NCKAP1: variants seen among roughly 807,000 people sequenced by gnomAD.
NCKAP1 encodes the protein nck-associated protein 1.
A neutral mutation model predicts 151.2 loss-of-function variants in NCKAP1; 21 were observed. The observed-to-expected ratio is 0.14, with a 90% CI of 0.10 to 0.20. The LOEUF (loss-of-function observed/expected upper bound fraction) is 0.20, where lower values mean the gene tolerates loss of function less well. Ranked by LOEUF, NCKAP1 falls within the 10% of genes least tolerant of loss-of-function variation. NCKAP1 has a pLI of 1.00. For synonymous variants in NCKAP1, 484 were observed against 451.8 expected (o/e 1.07, Z -0.90); for missense variants, 933 against 1,352.1 (o/e 0.69, Z 4.86).
intron 20 of NCKAP1, among the ~76,000 whole-genome samples, chr2:182,956,242 G>A (rs1243076761): frequency 1.3e-5 from 2 of 151,978 alleles, no homozygotes; most frequent in African/African-American, 4.8e-5. Flanking sequence ...GGGTTTCACT[G>A]TGTTAGCCAG....
intron 15 of NCKAP1, among the ~76,000 whole-genome samples, chr2:182,968,747 T>C (rs916542448): frequency 6.6e-6 from 1 of 152,218 alleles, no homozygotes; most frequent in African/African-American, 2.4e-5. Flanking sequence ...ATGAAGTCTT[T>C]TGTCTTTTGT....
At chr2:182,939,171 G>A (rs1280774432) in intron 24 of NCKAP1, among the ~76,000 whole-genome samples, 1 of 152,122 alleles carries the variant, frequency 6.6e-6, no homozygotes. Context: ...GAAACAGAAT[G>A]TCAGAGAATA....
intron 23 of NCKAP1, among the ~76,000 whole-genome samples, chr2:182,949,144 C>T (rs1436917629): frequency 6.6e-6 from 1 of 152,154 alleles, no homozygotes; most frequent in Non-Finnish European, 1.5e-5. Context: ...GATACTAAAT[C>T]AACATAAACT....
chr2:182,955,874 C>T (rs1409303368), intron 20 of NCKAP1, among the ~76,000 whole-genome samples: 1 of 152,106 alleles, frequency 6.6e-6, no homozygotes, highest in African/African-American at 2.4e-5. Context: ...GGGTTGCCAC[C>T]TGCAAGATGA....
chr2:182,972,806 C>T lies in NCKAP1; in HGVS notation c.1482+4087G>A, dbSNP rs78550633. Among the ~76,000 whole-genome samples the T allele has an allele frequency of 4.6e-3, 705 of 152,190 alleles. 11 individuals carry two copies. Among genetic ancestry groups the T allele is most frequent in the South Asian group, 0.03 (146 of 4,824 alleles). ...GTGAAATAAGCCAGGCACAGAAAAACAAATGTCACATGTTCTTACTCCTAA... is the reference window on the plus strand; with the variant it reads ...GTGAAATAAGCCAGGCACAGAAAAATAAATGTCACATGTTCTTACTCCTAA... On this transcript the variant is annotated intron_variant, in intron 15 of 30. Transcript: ENST00000361354.
chr2:182,946,020 G>C (rs71427864), intron 23 of NCKAP1, among the ~76,000 whole-genome samples: 15,601 of 152,166 alleles, frequency 0.1, 1,126 homozygotes, highest in African/African-American at 0.2. Context: ...AACATGGATA[G>C]AGCTGGAGAC....
intron 8 of NCKAP1, among the ~76,000 whole-genome samples, chr2:182,990,373 A>G (rs1698143012): frequency 1.3e-5 from 2 of 152,284 alleles, no homozygotes; most frequent in African/African-American, 4.8e-5. Context: ...TGAAGGGTCA[A>G]TGACTTTACT....
In NCKAP1 at chr2:182,915,879, C is replaced by T. The variant is rs1195100321; in HGVS notation, c.*9823G>A. 3 of 152,080 alleles carry T rather than the reference C, an allele frequency of 2.0e-5. No homozygotes were observed. The highest frequency in any genetic ancestry group is 2.9e-5 in the Non-Finnish European group (2 of 68,008). 9.4% of individuals were successfully genotyped at this position (152,080 alleles called of 1,614,324 possible). A position where few individuals can be genotyped will look rare whatever the true frequency, so the allele number is the denominator to read the frequency against. On this transcript the variant is annotated 3_prime_UTR_variant, in exon 31 of 31. Transcript: ENST00000361354. ...GCTCTTGGCATTTCACTTAAATTTT[C>T]AGATTTAAAAATAATTTTTTTGCTA...
Position 182,975,954 on chromosome 2 carries a change from TA to T in NCKAP1, c.1482+938del, listed in dbSNP as rs565304792. 7.0e-3 allele frequency among the ~76,000 whole-genome samples: 1,060 copies of T among 152,058 alleles called. 4 individuals carry two copies. The highest frequency in any genetic ancestry group is 0.017 in the Middle Eastern group (5 of 294). On this transcript the variant is annotated intron_variant, in intron 15 of 30. Transcript: ENST00000361354. ...ATTTTTTTAAAAAGACAAAAATAAA[TA>T]GCAAAACAGTACATAGTACTATCTA...
rs190222958 is a variant in NCKAP1, at chr2:183,029,681, G to C, written c.109-5765C>G. On this transcript the variant is annotated intron_variant, in intron 1 of 30. Transcript: ENST00000361354. ...CAAAATGTTTAAAAATTAGCCAAAC[G>C]TGGTGGTAAATATCTGTGGTCCCAG... is the stretch of plus-strand genomic sequence containing the variant. Among the ~76,000 whole-genome samples, 19 of 151,982 alleles carry C rather than the reference G, an allele frequency of 1.3e-4. 1 individual carries two copies. Among genetic ancestry groups the C allele is most frequent in the Non-Finnish European group, 2.2e-4 (15 of 67,924 alleles).
rs140830214 is a variant in NCKAP1 at position 183,038,007 on chromosome 2, G to A, written c.93C>T (p.Leu31=). The A allele has an allele frequency of 2.3e-4, 368 of 1,576,752 alleles. 1 individual carries two copies. In the African/African-American group the frequency reaches 4.6e-3, roughly 20 times the overall value. The part of the protein sequence containing the change: ...NDRGVGMLTR[L]YNIKKACGDP... ...CCGTGCGCACCTTCTTGATGTTGTA[G>A]AGGCGGGTGAGCATGCCGACGCCCC... Residue 31 remains leucine (L), a synonymous_variant, in exon 1 of 31, where the codon CTC becomes CTT. Transcript: ENST00000361354.
intron 21 of NCKAP1, 62 bp from the exon 22 acceptor site, chr2:182,952,985 T>C (rs1344592278): frequency 2.6e-6 from 4 of 1,531,192 alleles, no homozygotes; most frequent in Non-Finnish European, 3.5e-6. Context: ...TATCATGATA[T>C]ACATTCCTGC....
chr2:183,009,756 A>G (rs1484020172), intron 2 of NCKAP1, among the ~76,000 whole-genome samples: 1 of 152,152 alleles, frequency 6.6e-6, no homozygotes, highest in Non-Finnish European at 1.5e-5. Flanking sequence ...TTCTCAATCA[A>G]AATACATTTT....
rs1447705053 is a variant in NCKAP1, at chr2:182,913,932, CCCCACAA to C, written c.*11763_*11769del. 1 of 152,226 alleles carries C rather than the reference CCCCACAA, an allele frequency of 6.6e-6. No homozygotes were observed. The highest frequency in any genetic ancestry group is 2.4e-5 in the African/African-American group (1 of 41,432). The allele number at this position is 152,226 out of a possible 1,614,324, so 9.4% of individuals were successfully genotyped here. Reference sequence around the variant, plus strand: ...CCATGAAACTTTCTGCTTAAGTAGCCCCCACAACCCTCAGCCTCTTGGTTCTAACTTA... The same window carrying C: ...CCATGAAACTTTCTGCTTAAGTAGCCCCCTCAGCCTCTTGGTTCTAACTTA... On this transcript the variant is annotated 3_prime_UTR_variant, in exon 31 of 31. Transcript: ENST00000361354.
At chr2:183,001,831 T>C in intron 6 of NCKAP1, 122 bp downstream of exon 6, 1 of 762,032 alleles carries the variant, frequency 1.3e-6, no homozygotes, top group Non-Finnish European at 2.1e-6. Context: ...AAAGCACACA[T>C]AACTATTACT....
chr2:182,936,585 T>C (rs1215222015), intron 24 of NCKAP1, among the ~76,000 whole-genome samples: 1 of 151,994 alleles, frequency 6.6e-6, no homozygotes. Context: ...AGTTGAGGAG[T>C]AGGAATAGAG....
intron 8 of NCKAP1, 118 bp from the exon 9 acceptor site, chr2:182,989,304 G>C (rs1420860227): frequency 7.1e-6 from 5 of 700,760 alleles, no homozygotes; most frequent in Non-Finnish European, 9.4e-6. Flanking sequence ...TGAGGCTTCT[G>C]AGTGACAGTA....
chr2:183,029,839 AAGAG>A (rs1553519052), intron 1 of NCKAP1, among the ~76,000 whole-genome samples: 2 of 151,160 alleles, frequency 1.3e-5, no homozygotes, highest in East Asian at 1.9e-4. Context: ...AAAAAAAAAA[AAGAG>A]AGAGAAGGAA....
chr2:182,928,674 T>C, intron 28 of NCKAP1, 109 bp downstream of exon 28: 2 of 670,890 alleles, frequency 3.0e-6, no homozygotes, highest in Non-Finnish European at 5.0e-6. Context: ...GGAAACAGAC[T>C]ACCCCATGTT....
Sources: allele counts gnomAD v4.1 joint callset (sites outside exome capture counted in the v4.1 genomes callset), GRCh38; gene constraint gnomAD v4.1.1; transcripts MANE v1.5; gene names NCBI Gene and HGNC (gene_info 2026-07-23, HGNC 2026-07-21).